Variants in BRF1 observed in about 807,000 individuals in gnomAD.
The protein encoded by BRF1 is transcription factor IIIB 90 kDa subunit.
In BRF1, 59 loss-of-function variants were observed where a neutral mutation model predicts 81.7. That is an observed-to-expected ratio of 0.72 (90% CI 0.59 to 0.90). The LOEUF is 0.90. BRF1 is among the 40% of genes least tolerant of loss of function. The pLI, the probability that BRF1 is intolerant of heterozygous loss-of-function variation, is 0.00. For synonymous variants in BRF1, 491 were observed against 395.6 expected, an observed-to-expected ratio of 1.24 and a Z score of -2.86; for missense variants, 1,050 against 936.3, an observed-to-expected ratio of 1.12 and a Z score of -1.58.
At chr14:105,272,196 C>G (rs1308223941) in intron 3 of BRF1, among the ~76,000 whole-genome samples, 3 of 134,670 alleles carry the variant, frequency 2.2e-5, no homozygotes, top group South Asian at 4.8e-4. Flanking sequence ...TGAGGGTCGG[C>G]GGCCTCCCCA....
rs925700052 is a variant in BRF1, at chr14:105,270,054, CTCTG to C, written c.439+2663_439+2666del. On this transcript the variant is annotated intron_variant, in intron 3 of 17. Coordinates refer to ENST00000547530, the MANE Select transcript of BRF1 (RefSeq NM_001519.4). ...GGGCGGGCAGGGACGCGGGCGTGGG[CTCTG>C]TCTCTCGCCCTGCAGTGGGCTGCCT... Among the ~76,000 whole-genome samples the C allele has an allele frequency of 1.2e-4, 19 of 152,304 alleles. No homozygotes were observed. The South Asian group carries it at 1.4e-3, about 12-fold the overall frequency.
intron 6 of BRF1, 22 bp downstream of exon 6, chr14:105,241,242 CA>C (rs2054605905): frequency 6.2e-7 from 1 of 1,607,480 alleles, no homozygotes; most frequent in Non-Finnish European, 8.5e-7. Flanking sequence ...CAGCATCCCC[CA>C]GGCAGGCAGG....
intron 3 of BRF1, among the ~76,000 whole-genome samples, chr14:105,266,760 C>T (rs1423682246): frequency 6.6e-6 from 1 of 152,026 alleles, no homozygotes; most frequent in African/African-American, 2.4e-5. Flanking sequence ...AAGGAAGAAC[C>T]AAGGCTGGGC....
chr14:105,264,390 C>T (rs973651988), intron 3 of BRF1, among the ~76,000 whole-genome samples: 7 of 151,298 alleles, frequency 4.6e-5, no homozygotes, highest in East Asian at 2.0e-4. Flanking sequence ...GATGGCCAGG[C>T]GCGATTGCTC....
chr14:105,263,969 G>A (rs1437792274), intron 3 of BRF1, among the ~76,000 whole-genome samples: 1 of 150,004 alleles, frequency 6.7e-6, no homozygotes, highest in African/African-American at 2.4e-5. Context: ...GGATGGAAAA[G>A]TATCCATCAT....
Position 105,210,606 on chromosome 14 carries a change from C to T in BRF1, c.1997-18G>A, listed in dbSNP as rs1262763806. The T allele has an allele frequency of 6.2e-7, 1 of 1,610,656 alleles. No individual in the cohort carries two copies. The highest frequency in any genetic ancestry group is 1.3e-5 in the African/African-American group (1 of 74,896). ...GCCATAGTCTGCAGAAGAGCACAGTCATGAAGCCCAGGGTCTCTGTGGGAC... is the reference window on the plus strand; with the variant it reads ...GCCATAGTCTGCAGAAGAGCACAGTTATGAAGCCCAGGGTCTCTGTGGGAC... On this transcript the variant is annotated intron_variant, in intron 17 of 17. Coordinates refer to ENST00000547530, the MANE Select transcript of BRF1 (RefSeq NM_001519.4). This position sits in a 1 kb window ranked among gnomAD's most constrained non-coding sequence, Gnocchi z 4.7.
At chr14:105,263,234 C>CAAA (rs760613469) in intron 3 of BRF1, among the ~76,000 whole-genome samples, 1,970 of 83,426 alleles carry the variant, frequency 0.024, 63 homozygotes, top group African/African-American at 0.071. Flanking sequence ...AAGACTCCAT[C>CAAA]AAAAAAAAAA....
chr14:105,305,193 G>A (rs587756943), upstream of BRF1, among the ~76,000 whole-genome samples: 3 of 152,024 alleles, frequency 2.0e-5, no homozygotes, highest in African/African-American at 7.2e-5. Context: ...TTGAGTCCAG[G>A]AGTTTGAGAC....
intron 5 of BRF1, chr14:105,248,107 G>C (rs952800240): frequency 1.0e-6 from 1 of 985,448 alleles, no homozygotes; most frequent in Non-Finnish European, 1.2e-6. Flanking sequence ...GGAAAATGCC[G>C]GGAAATAGCA....
At chr14:105,256,885 G>A (rs113028118) in intron 3 of BRF1, among the ~76,000 whole-genome samples, 2 of 152,036 alleles carry the variant, frequency 1.3e-5, no homozygotes, top group Non-Finnish European at 2.9e-5. Flanking sequence ...CCACACACCC[G>A]CCTGCCCAGT....
At chr14:105,244,531 C>T (rs1337449968) in intron 5 of BRF1, among the ~76,000 whole-genome samples, 6 of 152,020 alleles carry the variant, frequency 3.9e-5, no homozygotes, top group Non-Finnish European at 5.9e-5. Flanking sequence ...TGGGCAGCGG[C>T]GGCACGGTGG....
chr14:105,268,101 G>A (rs956414882), intron 3 of BRF1, among the ~76,000 whole-genome samples: 2 of 152,266 alleles, frequency 1.3e-5, no homozygotes, highest in Non-Finnish European at 2.9e-5. Flanking sequence ...TCACCAGCCT[G>A]TCACCATCCC....
In BRF1 at chr14:105,241,365, C is replaced by T. The variant is rs929321013; in HGVS notation, c.594G>A (p.Glu198=). The T allele has an allele frequency of 5.6e-5, 91 of 1,612,702 alleles. No individual in the cohort carries two copies. The highest frequency in any genetic ancestry group is 7.1e-5 in the Non-Finnish European group (84 of 1,179,952). ...PRFAHLLEFG[E]KNHEVSMTAL... is the part of the protein sequence containing the mutation. The stretch of plus-strand genomic sequence containing the variant: ...CAGTCATGGACACCTCGTGGTTCTT[C>T]TCCCCGAATTCCAGCAGGTGCGCAA... The change falls in exon 6 of 18, where the codon GAG becomes GAA. Residue 198 remains glutamate, a synonymous_variant. Transcript: ENST00000547530.
chr14:105,218,595 G>C (rs1371812247), intron 14 of BRF1, among the ~76,000 whole-genome samples: 38 of 152,230 alleles, frequency 2.5e-4, no homozygotes, highest in Non-Finnish European at 2.9e-5. Context: ...TTCCGCCAGA[G>C]AGTAAGCTGG....
intron 3 of BRF1, among the ~76,000 whole-genome samples, chr14:105,265,515 G>A (rs1184453905): frequency 6.6e-6 from 1 of 152,116 alleles, no homozygotes; most frequent in Non-Finnish European, 1.5e-5. Flanking sequence ...ACTTTGGGAG[G>A]CTAAGGTGGG....
rs2057231456 is a variant in BRF1, at chr14:105,284,259, G to A, written c.265+2037C>T. ...CTCTCTACTGCAGAAGAATCACACCGGCAGTCAGGAAGAAAGGCGCTGACT... is the reference window on the plus strand; with the variant it reads ...CTCTCTACTGCAGAAGAATCACACCAGCAGTCAGGAAGAAAGGCGCTGACT... On this transcript the variant is annotated intron_variant, in intron 2 of 17. Transcript: ENST00000547530. The surrounding 1 kb of genome is among the most constrained non-coding windows in gnomAD (Gnocchi z 4.0). Among the ~76,000 whole-genome samples, 1 of 152,038 alleles carries A rather than the reference G, an allele frequency of 6.6e-6. No individual in the cohort carries two copies. Among genetic ancestry groups the A allele is most frequent in the South Asian group, 2.1e-4 (1 of 4,816 alleles).
intron 1 of BRF1, among the ~76,000 whole-genome samples, chr14:105,306,994 G>C (rs982714060): frequency 1.3e-5 from 2 of 152,168 alleles, no homozygotes; most frequent in Non-Finnish European, 1.5e-5. Flanking sequence ...CTAATTCCTA[G>C]AGACAGCTGA....
Position 105,209,620 on chromosome 14 carries a change from C to G in BRF1, c.*931G>C, listed in dbSNP as rs1193042835. The G allele has an allele frequency of 2.9e-6, 2 of 697,246 alleles. No individual in the cohort carries two copies. Among genetic ancestry groups the G allele is most frequent in the Admixed American group, 4.0e-5 (2 of 49,458 alleles). 43.2% of individuals were successfully genotyped at this position (697,246 alleles called of 1,614,324 possible). ...CTTCCCACGAAGAGGCCTGGGGAGG[C>G]TCTCGGGCCTCCGTCTGCCCTCCCT... On this transcript the variant is annotated 3_prime_UTR_variant, in exon 18 of 18. Coordinates refer to ENST00000547530, the MANE Select transcript of BRF1 (RefSeq NM_001519.4).
At chr14:105,280,711 T>C (rs1275155981) in intron 2 of BRF1, among the ~76,000 whole-genome samples, 2 of 137,014 alleles carry the variant, frequency 1.5e-5, no homozygotes, top group East Asian at 2.2e-4. Flanking sequence ...TGATCCTGAG[T>C]CCGGGTGTGC....
Sources: gnomAD v4.1 joint callset for allele counts (sites outside exome capture counted in the v4.1 genomes callset) on GRCh38, gnomAD v4.1.1 for gene constraint, Gnocchi (gnomAD v3.1) non-coding constraint, MANE v1.5 for transcripts, NCBI Gene and HGNC (gene_info 2026-07-23, HGNC 2026-07-21) for gene names.